The following PDZRN3 variants were observed in gnomAD, a reference collection of about 807,000 sequenced individuals.
PDZRN3 encodes PDZ domain containing ring finger 3, also known as E3 ubiquitin-protein ligase PDZRN3.
A neutral mutation model predicts 85.7 loss-of-function variants in PDZRN3; 38 were observed. The observed-to-expected ratio is 0.44, with a 90% CI of 0.34 to 0.58. The LOEUF is 0.58. PDZRN3 is among the 20% of genes least tolerant of loss of function. PDZRN3 has a pLI of 0.01. For synonymous variants in PDZRN3, 759 were observed against 638.0 expected (o/e 1.19, Z -2.86); for missense variants, 1,629 against 1,506.4 (o/e 1.08, Z -1.35).
chr3:73,429,997 G>C (rs1168918998), intron 3 of PDZRN3, among the ~76,000 whole-genome samples: 1 of 152,184 alleles, frequency 6.6e-6, no homozygotes, highest in African/African-American at 2.4e-5. Flanking sequence ...ATGATTTTTG[G>C]AAACTGACCC....
chr3:73,528,964 C>T (rs776004779), intron 3 of PDZRN3, among the ~76,000 whole-genome samples: 1 of 151,742 alleles, frequency 6.6e-6, no homozygotes, highest in African/African-American at 2.4e-5. Flanking sequence ...AAATCACTAA[C>T]CCAAAGGTTA....
At chr3:73,484,865 T>C (rs1696951549) in intron 3 of PDZRN3, among the ~76,000 whole-genome samples, 1 of 152,116 alleles carries the variant, frequency 6.6e-6, no homozygotes, top group African/African-American at 2.4e-5. Context: ...TAGAAGCTGG[T>C]ATAAAGGAGG....
intron 3 of PDZRN3, among the ~76,000 whole-genome samples, chr3:73,538,336 T>C (rs1704839149): frequency 6.6e-6 from 1 of 152,220 alleles, no homozygotes; most frequent in Non-Finnish European, 1.5e-5. Flanking sequence ...GGTTGTCTCA[T>C]TTTCTGTAAA....
intron 1 of PDZRN3, 22 bp downstream of exon 1, chr3:73,624,081 G>A: frequency 7.0e-7 from 1 of 1,421,952 alleles, no homozygotes; most frequent in African/African-American, 1.5e-5. Context: ...GCTGGAGGTC[G>A]GGGCGGGCAG....
At chr3:73,582,739 G>A (rs1021427019) in intron 3 of PDZRN3, among the ~76,000 whole-genome samples, 1 of 151,988 alleles carries the variant, frequency 6.6e-6, no homozygotes, top group Non-Finnish European at 1.5e-5. Context: ...CTCTGAGAAG[G>A]CACTTACCCC....
chr3:73,535,988 T>C (rs1053002304), intron 3 of PDZRN3, among the ~76,000 whole-genome samples: 1 of 152,226 alleles, frequency 6.6e-6, no homozygotes, highest in African/African-American at 2.4e-5. Context: ...AAGAAAAATA[T>C]GATATGATTT....
intron 3 of PDZRN3, among the ~76,000 whole-genome samples, chr3:73,414,290 A>C (rs1237438407): frequency 6.6e-6 from 1 of 152,214 alleles, no homozygotes; most frequent in Non-Finnish European, 1.5e-5. Context: ...CTTAAACACA[A>C]AAGTCAGGTA....
intron 3 of PDZRN3, among the ~76,000 whole-genome samples, chr3:73,432,674 T>C (rs1056994454): frequency 1.3e-5 from 2 of 152,228 alleles, no homozygotes; most frequent in African/African-American, 4.8e-5. Context: ...AATTCTTTTT[T>C]AAAAACTCTG....
intron 3 of PDZRN3, chr3:73,569,665 C>A (rs1479832092): frequency 1.3e-6 from 1 of 748,612 alleles, no homozygotes; most frequent in Admixed American, 6.3e-5. Context: ...CCTTTCTCTT[C>A]CTCCCTAGTG....
chr3:73,480,757 C>T (rs1478909176), intron 3 of PDZRN3, among the ~76,000 whole-genome samples: 10 of 152,180 alleles, frequency 6.6e-5, no homozygotes, highest in Non-Finnish European at 1.3e-4. Context: ...ACAGCATCAC[C>T]AGATGATATA....
chr3:73,411,406 T>C (rs911738342), intron 3 of PDZRN3, among the ~76,000 whole-genome samples: 1 of 152,238 alleles, frequency 6.6e-6, no homozygotes, highest in Non-Finnish European at 1.5e-5. Context: ...TGTCTGTCTC[T>C]GTTTTAGAAC....
At chr3:73,451,084 A>T (rs1702849487) in intron 3 of PDZRN3, among the ~76,000 whole-genome samples, 1 of 152,178 alleles carries the variant, frequency 6.6e-6, no homozygotes, top group African/African-American at 2.4e-5. Flanking sequence ...CAGTCTTGAC[A>T]TCTCACTTCA....
rs143603875 is a variant in PDZRN3 at position 73,570,944 on chromosome 3, G to A, written c.918+31410C>T. On this transcript the variant is annotated intron_variant, in intron 3 of 9. Coordinates refer to ENST00000263666, the MANE Select transcript of PDZRN3 (RefSeq NM_015009.3). ...TTTGCTTGCTCTCATCTACCTGGCT[G>A]TGGGCAGAAGAAAACTTGTGCACAA... Among the ~76,000 whole-genome samples, 685 of 152,246 alleles carry A rather than the reference G, an allele frequency of 4.5e-3. 15 individuals are homozygous for A. Among genetic ancestry groups the A allele is most frequent in the Non-Finnish European group, 1.3e-3 (90 of 68,026 alleles).
intron 3 of PDZRN3, among the ~76,000 whole-genome samples, chr3:73,470,155 T>TA (rs35962378): frequency 0.013 from 1,918 of 147,932 alleles, 42 homozygotes; most frequent in African/African-American, 0.044. Context: ...GGCTGTTGGC[T>TA]AAAAAAAAAA....
chr3:73,608,752 T>C, intron 1 of PDZRN3, 68 bp from the exon 2 acceptor site: 4 of 927,026 alleles, frequency 4.3e-6, no homozygotes, highest in Non-Finnish European at 6.9e-6. Context: ...ATTTTCCTTC[T>C]ATCTAAGTGT....
intron 3 of PDZRN3, among the ~76,000 whole-genome samples, chr3:73,486,743 T>C (rs557497032): frequency 4.6e-5 from 7 of 152,328 alleles, no homozygotes; most frequent in African/African-American, 1.4e-4. Context: ...CTGGAAGATA[T>C]TTTGTTTTGT....
intron 3 of PDZRN3, among the ~76,000 whole-genome samples, chr3:73,518,344 G>A (rs1033451631): frequency 3.3e-5 from 5 of 152,090 alleles, no homozygotes; most frequent in African/African-American, 1.2e-4. Context: ...GCCATGGGCT[G>A]GGGGAAGGAA....
At chr3:73,437,616 G>A (rs775224868) in intron 3 of PDZRN3, among the ~76,000 whole-genome samples, 2 of 152,070 alleles carry the variant, frequency 1.3e-5, no homozygotes, top group Non-Finnish European at 2.9e-5. Context: ...TTCGACTCAT[G>A]GTTGAGTTTC....
chr3:73,592,931 C>T (rs1250999548), intron 3 of PDZRN3, among the ~76,000 whole-genome samples: 1 of 152,186 alleles, frequency 6.6e-6, no homozygotes, highest in Non-Finnish European at 1.5e-5. Flanking sequence ...ACAATGATGT[C>T]TGCCTACTGC....
Sources: gnomAD v4.1 joint callset for allele counts (sites outside exome capture counted in the v4.1 genomes callset) on GRCh38, gnomAD v4.1.1 for gene constraint, MANE v1.5 for transcripts, NCBI Gene and HGNC (gene_info 2026-07-23, HGNC 2026-07-21) for gene names.